Variants in ZBTB38 observed in about 807,000 individuals in gnomAD.
ZBTB38 encodes zinc finger and BTB domain containing 38.
In ZBTB38, 20 loss-of-function variants were observed where a neutral mutation model predicts 76.8. The observed-to-expected ratio is 0.26, with a 90% CI of 0.18 to 0.38. The LOEUF (loss-of-function observed/expected upper bound fraction) is 0.38. ZBTB38 is among the 10% of genes least tolerant of loss of function. ZBTB38 has a pLI of 1.00. For synonymous variants in ZBTB38, 504 were observed against 544.2 expected, an observed-to-expected ratio of 0.93 and a Z score of 1.03; for missense variants, 1,082 against 1,482.3, an observed-to-expected ratio of 0.73 and a Z score of 4.43.
intron 4 of ZBTB38, among the ~76,000 whole-genome samples, chr3:141,394,964 T>C (rs1192167597): frequency 1.3e-5 from 2 of 152,214 alleles, no homozygotes; most frequent in African/African-American, 2.4e-5. Context: ...CTCTTTTGAC[T>C]AAAGCTGCCT....
chr3:141,440,555 AG>A (rs1368775649), intron 5 of ZBTB38, among the ~76,000 whole-genome samples: 2 of 152,218 alleles, frequency 1.3e-5, no homozygotes, highest in Non-Finnish European at 2.9e-5. Context: ...TCAAACTGTA[AG>A]GCTTTCTGGA....
chr3:141,337,515 A>G lies in ZBTB38; in HGVS notation c.-739+13059A>G, dbSNP rs1333185346. ...GCAGTGGCCTGACTTGAATTTGAAC[A>G]TAGTATCTCTAAGCCTGGGTATTCT... is the stretch of plus-strand genomic sequence containing the variant. On this transcript the variant is annotated intron_variant, in intron 1 of 7. Coordinates refer to the ZBTB38 transcript ENST00000509842. 1.3e-5 allele frequency among the ~76,000 whole-genome samples: 2 copies of G among 152,234 alleles called. 1 individual carries two copies. Among genetic ancestry groups the G allele is most frequent in the Non-Finnish European group, 2.9e-5 (2 of 68,036 alleles).
In ZBTB38 at chr3:141,368,741, G is replaced by A. The variant is rs1052902418; in HGVS notation, c.-373G>A. The A allele has an allele frequency of 2.0e-5, 3 of 152,106 alleles. No homozygotes were observed. The highest frequency in any genetic ancestry group is 4.8e-5 in the African/African-American group (2 of 41,418). 9.4% of individuals were successfully genotyped at this position (152,106 alleles called of 1,614,324 possible). A position where few individuals can be genotyped will look rare whatever the true frequency, so the allele number is the denominator to read the frequency against. On this transcript the variant is annotated 5_prime_UTR_variant, in exon 1 of 6. Transcript: ENST00000321464. ...AGTGAAGAACCCAGAGCACGAAAGC[G>A]GTTGTGACTCCTGGGCCCAGGGAGT...
rs373176885 is a variant in ZBTB38 at position 141,331,549 on chromosome 3, G to GT, written c.-739+7103dup. 9.8e-4 allele frequency among the ~76,000 whole-genome samples: 145 copies of GT among 147,924 alleles called. 1 individual carries two copies. Among genetic ancestry groups the GT allele is most frequent in the African/African-American group, 1.6e-3 (65 of 40,544 alleles). Reference sequence around the variant, plus strand: ...GTGTTTGGGTTGTTTTTTGTTTTTTGTTTTTTTTTTATTGCTCACACACAA... The same window carrying GT: ...GTGTTTGGGTTGTTTTTTGTTTTTTGTTTTTTTTTTTATTGCTCACACACAA... On this transcript the variant is annotated intron_variant, in intron 1 of 7. Transcript: ENST00000509842.
intron 3 of ZBTB38, among the ~76,000 whole-genome samples, chr3:141,382,403 TTAA>T (rs143377330): frequency 0.014 from 2,203 of 152,292 alleles, 37 homozygotes; most frequent in East Asian, 0.068. Context: ...AAAGGCTGCA[TTAA>T]TAATAAACTC....
intron 5 of ZBTB38, among the ~76,000 whole-genome samples, chr3:141,436,926 G>A (rs1311626553): frequency 6.6e-6 from 1 of 152,204 alleles, no homozygotes; most frequent in Non-Finnish European, 1.5e-5. Context: ...CTTACAGTGG[G>A]CCTCCTTTGG....
chr3:141,367,987 G>A (rs1399837367), upstream of ZBTB38, among the ~76,000 whole-genome samples: 2 of 152,218 alleles, frequency 1.3e-5, no homozygotes, highest in African/African-American at 4.8e-5. Flanking sequence ...GCGAAGCCCA[G>A]GGCCACAGCA....
intron 2 of ZBTB38, among the ~76,000 whole-genome samples, chr3:141,375,796 G>T (rs1034546168): frequency 1.3e-5 from 2 of 152,178 alleles, no homozygotes; most frequent in African/African-American, 2.4e-5. Flanking sequence ...CTCAAGGATG[G>T]AGTCCCACTG....
chr3:141,339,703 C>T lies in ZBTB38; in HGVS notation c.-739+15247C>T, dbSNP rs79715115. On this transcript the variant is annotated intron_variant, in intron 1 of 7. Coordinates refer to the ZBTB38 transcript ENST00000509842. Reference sequence around the variant, plus strand: ...CATTTACTGAAATTAGAAAGCCTGGCGTGGAGTGGCGAGTGGGGACCAAAT... The same window carrying T: ...CATTTACTGAAATTAGAAAGCCTGGTGTGGAGTGGCGAGTGGGGACCAAAT... Among the ~76,000 whole-genome samples, 449 of 152,192 alleles carry T rather than the reference C, an allele frequency of 3.0e-3. 1 individual carries two copies. The highest frequency in any genetic ancestry group is 0.01 in the African/African-American group (428 of 41,534).
chr3:141,427,661 G>T (rs890748760), intron 5 of ZBTB38: 5 of 152,478 alleles, frequency 3.3e-5, no homozygotes, highest in African/African-American at 1.2e-4. Flanking sequence ...CATGGAGGAG[G>T]TTCACACCAG....
At chr3:141,410,584 G>C (rs796316761) in intron 5 of ZBTB38, among the ~76,000 whole-genome samples, 1 of 152,198 alleles carries the variant, frequency 6.6e-6, no homozygotes, top group South Asian at 2.1e-4. Flanking sequence ...TCCCATGAGA[G>C]CAAGCTGACC....
chr3:141,334,012 G>C (rs141648308), intron 1 of ZBTB38, among the ~76,000 whole-genome samples: 59 of 152,238 alleles, frequency 3.9e-4, no homozygotes, highest in Admixed American at 2.0e-3. Flanking sequence ...AGCACACACA[G>C]GGAAATACAT....
At chr3:141,396,327 G>A (rs1950348568) in intron 4 of ZBTB38, 2 of 152,858 alleles carry the variant, frequency 1.3e-5, no homozygotes, top group Non-Finnish European at 2.9e-5. Context: ...TCCATAAGAA[G>A]CAACTCCTCA....
At position 141,340,915 on chromosome 3, in the gene ZBTB38, A is replaced by G. The variant is rs966974975; in HGVS notation, c.-739+16459A>G. On this transcript the variant is annotated intron_variant, in intron 1 of 7. Transcript: ENST00000509842. ...CTGTCTCCAAAAAAGAAAAGAAAAG[A>G]AAAGGAAAGGAAAAAAGAAAAGAAA... 5.7e-3 allele frequency among the ~76,000 whole-genome samples: 807 copies of G among 142,746 alleles called. 9 individuals carry two copies. Among genetic ancestry groups the G allele is most frequent in the African/African-American group, 0.013 (463 of 35,542 alleles). 93.6% of individuals were successfully genotyped at this position (142,746 alleles called of 152,430 possible). A position where few individuals can be genotyped will look rare whatever the true frequency, so the allele number is the denominator to read the frequency against.
At chr3:141,435,336 G>A (rs1002132758) in intron 5 of ZBTB38, among the ~76,000 whole-genome samples, 2 of 152,012 alleles carry the variant, frequency 1.3e-5, no homozygotes, top group African/African-American at 4.8e-5. Flanking sequence ...TGAATTATAT[G>A]TTCATCCTAT....
At chr3:141,325,500 G>A (rs777888800) in intron 1 of ZBTB38, among the ~76,000 whole-genome samples, 21 of 152,140 alleles carry the variant, frequency 1.4e-4, no homozygotes, top group Non-Finnish European at 2.1e-4. Flanking sequence ...AAGACTAAGG[G>A]ATTCTTTCTT....
chr3:141,445,077 A>G lies in ZBTB38; in HGVS notation c.2689A>G (p.Met897Val). Residue 897 changes from methionine to valine, a missense_variant, in exon 6 of 6, where the codon ATG (methionine) becomes GTG (valine). Physicochemically the swap from Met to Val is conservative, Grantham distance 21. This residue lies in a region of ZBTB38 where 471 missense variants were observed against 581.0 expected (regional missense o/e 0.81). Transcript: ENST00000321464. The surrounding 1 kb of genome is among the most constrained non-coding windows in gnomAD (Gnocchi z 6.5). ...ACTCGGGCTTTGCCAATCCGAGTGCATGGAGATGAGTGAAGTGTTCGATGA... is the reference window on the plus strand; with the variant it reads ...ACTCGGGCTTTGCCAATCCGAGTGCGTGGAGATGAGTGAAGTGTTCGATGA... ...SPLGLCQSEC[M>V]EMSEVFDDAS... 1 of 1,614,194 alleles carries G rather than the reference A, an allele frequency of 6.2e-7. No homozygotes were observed. Among genetic ancestry groups the G allele is most frequent in the Admixed American group, 1.7e-5 (1 of 60,026 alleles).
rs977150647 is a variant in ZBTB38, at chr3:141,333,074, G to A, written c.-739+8618G>A. On this transcript the variant is annotated intron_variant, in intron 1 of 7. Transcript: ENST00000509842. ...TCTCAAGAGGTCACAAGTGATTGAA[G>A]CTCCACAGTGAGTTCTACAAGGGGT... is the stretch of plus-strand genomic sequence containing the variant. 2.6e-5 allele frequency among the ~76,000 whole-genome samples: 4 copies of A among 152,176 alleles called. No individual in the cohort carries two copies. The East Asian group carries it at 5.8e-4, about 22-fold the overall frequency.
intron 4 of ZBTB38, among the ~76,000 whole-genome samples, chr3:141,399,600 A>T (rs1030113540): frequency 3.3e-5 from 5 of 152,202 alleles, no homozygotes; most frequent in Admixed American, 6.5e-5. Context: ...AGGTTGAGGG[A>T]AAGAGGAAAA....
Sources: allele counts gnomAD v4.1 joint callset (sites outside exome capture counted in the v4.1 genomes callset), GRCh38; gene constraint gnomAD v4.1.1; regional missense constraint gnomAD v4.1.1; non-coding constraint Gnocchi (gnomAD v3.1); transcripts MANE v1.5; gene names NCBI Gene and HGNC (gene_info 2026-07-23, HGNC 2026-07-21).